RCAN2: variants seen among roughly 807,000 people sequenced by gnomAD.
The protein encoded by RCAN2 is calcipressin-2.
Under a neutral mutation model 23.6 loss-of-function variants are expected in RCAN2, and 9 were observed. The observed-to-expected ratio is 0.38, with a 90% CI of 0.23 to 0.67. The LOEUF (loss-of-function observed/expected upper bound fraction) is 0.67. Ranked by LOEUF, RCAN2 falls within the 30% of genes least tolerant of loss-of-function variation. RCAN2 has a pLI of 0.51. For missense variants in RCAN2, 273 were observed against 302.3 expected (o/e 0.90, Z 0.72); for synonymous variants, 109 against 115.7 (o/e 0.94, Z 0.37).
At chr6:46,470,709 G>GT (rs1293484237) in intron 1 of RCAN2, among the ~76,000 whole-genome samples, 3 of 152,068 alleles carry the variant, frequency 2.0e-5, no homozygotes, top group Non-Finnish European at 4.4e-5. Context: ...TAGAACTATT[G>GT]TTTTTTCACT....
At chr6:46,291,294 T>C (rs1305747193) in intron 2 of RCAN2, among the ~76,000 whole-genome samples, 23 of 151,182 alleles carry the variant, frequency 1.5e-4, no homozygotes, top group African/African-American at 2.4e-4. Context: ...TTTTTTTTTT[T>C]CCACTGGTGT....
chr6:46,439,390 T>C (rs985683697), intron 2 of RCAN2, among the ~76,000 whole-genome samples: 1 of 152,244 alleles, frequency 6.6e-6, no homozygotes, highest in African/African-American at 2.4e-5. Context: ...GTTTTGTAGC[T>C]ATTTCTTATT....
chr6:46,394,000 C>A (rs932583191), intron 2 of RCAN2, among the ~76,000 whole-genome samples: 16 of 152,144 alleles, frequency 1.1e-4, no homozygotes, highest in African/African-American at 3.9e-4. Context: ...AATTCATGTC[C>A]TTAGGCCTGT....
At chr6:46,317,623 G>T (rs1407973992) in intron 2 of RCAN2, among the ~76,000 whole-genome samples, 1 of 151,950 alleles carries the variant, frequency 6.6e-6, no homozygotes, top group Non-Finnish European at 1.5e-5. Context: ...CACCATGCCC[G>T]GCTAATTTTT....
chr6:46,439,500 C>T (rs1255337412), intron 2 of RCAN2, among the ~76,000 whole-genome samples: 1 of 152,136 alleles, frequency 6.6e-6, no homozygotes, highest in African/African-American at 2.4e-5. Context: ...TTGCTTCCAC[C>T]AATTCAAATC....
chr6:46,296,319 G>C (rs1762729506), intron 2 of RCAN2, among the ~76,000 whole-genome samples: 1 of 151,812 alleles, frequency 6.6e-6, no homozygotes. Context: ...TCATTCACTA[G>C]ATTATAAAGA....
chr6:46,239,740 G>A (rs566027379), intron 4 of RCAN2, among the ~76,000 whole-genome samples: 74 of 152,088 alleles, frequency 4.9e-4, no homozygotes, highest in Non-Finnish European at 9.6e-4. Context: ...AGCATACTCT[G>A]TAGTTTTGGT....
intron 2 of RCAN2, among the ~76,000 whole-genome samples, chr6:46,431,539 C>T (rs1412388875): frequency 1.3e-5 from 2 of 152,204 alleles, no homozygotes; most frequent in Non-Finnish European, 1.5e-5. Context: ...GATTCTAATG[C>T]TTCCATGGCA....
At chr6:46,223,939 G>A (rs1765564586) in intron 4 of RCAN2, among the ~76,000 whole-genome samples, 1 of 152,194 alleles carries the variant, frequency 6.6e-6, no homozygotes, top group Admixed American at 6.5e-5. Flanking sequence ...TGCTTCATTA[G>A]ATGTTTCTTG....
At chr6:46,278,225 T>C (rs1220049878) in intron 2 of RCAN2, among the ~76,000 whole-genome samples, 1 of 152,074 alleles carries the variant, frequency 6.6e-6, no homozygotes, top group East Asian at 1.9e-4. Context: ...TTAAAGTAAT[T>C]TACTTTAACT....
intron 2 of RCAN2, among the ~76,000 whole-genome samples, chr6:46,406,101 G>C (rs1436930988): frequency 1.3e-5 from 2 of 152,198 alleles, no homozygotes; most frequent in African/African-American, 2.4e-5. Flanking sequence ...AACTCCAGCT[G>C]GCCCGCAAGC....
intron 2 of RCAN2, among the ~76,000 whole-genome samples, chr6:46,430,101 C>A (rs981486816): frequency 3.9e-5 from 6 of 152,024 alleles, no homozygotes; most frequent in African/African-American, 1.5e-4. Flanking sequence ...GCTTTGAAAC[C>A]AAAAAACTAA....
intron 4 of RCAN2, among the ~76,000 whole-genome samples, chr6:46,244,305 C>T (rs1314255191): frequency 6.6e-6 from 1 of 152,100 alleles, no homozygotes; most frequent in Non-Finnish European, 1.5e-5. Flanking sequence ...AGACCATTTC[C>T]TTCCTCCCTC....
intron 2 of RCAN2, among the ~76,000 whole-genome samples, chr6:46,442,931 C>T (rs1406693974): frequency 1.3e-5 from 2 of 152,254 alleles, no homozygotes; most frequent in East Asian, 1.9e-4. Flanking sequence ...CCTACAGCAG[C>T]GTTCAAATCT....
chr6:46,366,862 G>A (rs566748758), intron 2 of RCAN2, among the ~76,000 whole-genome samples: 2 of 151,418 alleles, frequency 1.3e-5, no homozygotes, highest in African/African-American at 4.8e-5. Flanking sequence ...CACTGCAGTA[G>A]TCCTTGTACC....
chr6:46,356,098 T>C (rs1013081081), intron 2 of RCAN2, among the ~76,000 whole-genome samples: 12 of 152,172 alleles, frequency 7.9e-5, no homozygotes, highest in Non-Finnish European at 1.6e-4. Context: ...AAGACTCATG[T>C]GGTGAACTTA....
intron 2 of RCAN2, among the ~76,000 whole-genome samples, chr6:46,320,364 T>A (rs2150361671): frequency 6.6e-6 from 1 of 152,278 alleles, no homozygotes; most frequent in South Asian, 2.1e-4. Context: ...TCATACCAAC[T>A]CAGCCTCATC....
At chr6:46,352,516 G>A (rs1764693095) in intron 2 of RCAN2, among the ~76,000 whole-genome samples, 1 of 152,076 alleles carries the variant, frequency 6.6e-6, no homozygotes, top group Admixed American at 6.6e-5. Flanking sequence ...TGATGTACAC[G>A]AGGTTCCATC....
chr6:46,254,899 C>G (rs1766853512), intron 2 of RCAN2, among the ~76,000 whole-genome samples: 1 of 152,148 alleles, frequency 6.6e-6, no homozygotes, highest in Non-Finnish European at 1.5e-5. Flanking sequence ...AGTGGCACCT[C>G]TGCAAGCCAA....
Sources: allele counts gnomAD v4.1 joint callset (sites outside exome capture counted in the v4.1 genomes callset), GRCh38; gene constraint gnomAD v4.1.1; transcripts MANE v1.5; gene names NCBI Gene and HGNC (gene_info 2026-07-23, HGNC 2026-07-21).